Variants in ZNF365 observed in about 807,000 individuals in gnomAD.
ZNF365 encodes zinc finger protein 365.
Under a neutral mutation model 35.0 loss-of-function variants are expected in ZNF365, and 22 were observed. The ratio of observed to expected loss-of-function variants is 0.63; its 90% confidence interval spans 0.45 to 0.90. The LOEUF is 0.90. ZNF365 is among the 40% of genes least tolerant of loss of function. The probability of loss-of-function intolerance (pLI) is 0.00; values close to 1 mark genes in which losing one functional copy is unlikely to be tolerated. For missense variants in ZNF365, 448 were observed against 500.3 expected (o/e 0.90, Z 1.00); for synonymous variants, 188 against 196.2 (o/e 0.96, Z 0.35).
chr10:62,400,137 A>C lies in ZNF365; in HGVS notation c.*348A>C. The C allele has an allele frequency of 3.9e-6, 4 of 1,037,086 alleles. No individual in the cohort carries two copies. The highest frequency in any genetic ancestry group is 4.9e-5 in the Admixed American group (1 of 20,326). The allele number at this position is 1,037,086 out of a possible 1,614,324, so 64.2% of individuals were successfully genotyped here. On this transcript the variant is annotated 3_prime_UTR_variant, in exon 5 of 5. Transcript: ENST00000395254. The stretch of plus-strand genomic sequence containing the variant: ...ATTTTCAGGACCAAGGCCACACAAA[A>C]TGTCAGGCCTAGGGAGAAAATTCAT...
chr10:62,409,353 C>A (rs1422466498), intron 3 of ZNF365, among the ~76,000 whole-genome samples: 2 of 152,150 alleles, frequency 1.3e-5, no homozygotes, highest in Non-Finnish European at 2.9e-5. Context: ...ACCTCCAGAT[C>A]TGGTTCTCTG....
At chr10:62,418,898 G>GTATAGTTT (rs3081227) in intron 3 of ZNF365, among the ~76,000 whole-genome samples, 1 of 151,260 alleles carries the variant, frequency 6.6e-6, no homozygotes, top group East Asian at 1.9e-4. Flanking sequence ...TGCCAATGTG[G>GTATAGTTT]TGTGATGACT....
chr10:62,432,600 C>T (rs1180265005), intron 3 of ZNF365, among the ~76,000 whole-genome samples: 1 of 152,114 alleles, frequency 6.6e-6, no homozygotes, highest in Non-Finnish European at 1.5e-5. Flanking sequence ...CAATTAATAC[C>T]TTGAAATCTT....
chr10:62,461,046 G>T (rs1367008712), intron 4 of ZNF365, among the ~76,000 whole-genome samples: 1 of 152,158 alleles, frequency 6.6e-6, no homozygotes, highest in Non-Finnish European at 1.5e-5. Context: ...ACTTCCCTGT[G>T]CCTCTACATT....
Position 62,399,866 on chromosome 10 carries a change from T to C in ZNF365, c.*77T>C. The C allele has an allele frequency of 6.7e-7, 1 of 1,496,014 alleles. No individual in the cohort carries two copies. Among genetic ancestry groups the C allele is most frequent in the Non-Finnish European group, 8.9e-7 (1 of 1,121,320 alleles). The allele number at this position is 1,496,014 out of a possible 1,614,324, so 92.7% of individuals were successfully genotyped here. On this transcript the variant is annotated 3_prime_UTR_variant, in exon 5 of 5. Transcript: ENST00000395254. ...CCAGGAGCCAACAGTAATGTCTTTC[T>C]GGAAACATTCCATAGTAAGACACAT...
intron 4 of ZNF365, among the ~76,000 whole-genome samples, chr10:62,460,546 T>C (rs1840830864): frequency 6.6e-6 from 1 of 152,168 alleles, no homozygotes; most frequent in Non-Finnish European, 1.5e-5. Context: ...TATTCATCTA[T>C]TTTTGGGCCA....
intron 4 of ZNF365, among the ~76,000 whole-genome samples, chr10:62,461,920 T>C (rs987391922): frequency 2.6e-5 from 4 of 152,232 alleles, no homozygotes; most frequent in African/African-American, 9.6e-5. Flanking sequence ...TTATATTAAA[T>C]CAGAATGTTG....
chr10:62,407,970 C>T (rs1405750466), intron 3 of ZNF365, among the ~76,000 whole-genome samples: 2 of 151,810 alleles, frequency 1.3e-5, no homozygotes, highest in African/African-American at 4.9e-5. Context: ...GTTGTTTAAG[C>T]CACTAAACTA....
intron 3 of ZNF365, among the ~76,000 whole-genome samples, chr10:62,392,191 T>C (rs1839642467): frequency 6.6e-6 from 1 of 152,214 alleles, no homozygotes; most frequent in Non-Finnish European, 1.5e-5. Context: ...TCCCACTCTG[T>C]GGGTTGTCTG....
At chr10:62,382,350 G>A (rs779050800) in intron 2 of ZNF365, among the ~76,000 whole-genome samples, 2 of 152,164 alleles carry the variant, frequency 1.3e-5, no homozygotes, top group Non-Finnish European at 2.9e-5. Flanking sequence ...GCTCCACATT[G>A]TTGGTTCGTG....
intron 3 of ZNF365, among the ~76,000 whole-genome samples, chr10:62,391,815 A>G (rs1022121842): frequency 1.5e-4 from 23 of 152,224 alleles, no homozygotes; most frequent in African/African-American, 5.5e-4. Context: ...GTTCTTTAAG[A>G]AATCTCCACA....
chr10:62,400,333 A>C lies in ZNF365; in HGVS notation c.*544A>C. ...GAGTATTCTGGTTAATCAAGATTTC[A>C]ATTTCTGGGTTGCTCAAGGGACTCG... On this transcript the variant is annotated 3_prime_UTR_variant, in exon 5 of 5. Transcript: ENST00000395254. The C allele has an allele frequency of 1.0e-6, 1 of 986,464 alleles. No individual in the cohort carries two copies. The highest frequency in any genetic ancestry group is 1.2e-6 in the Non-Finnish European group (1 of 830,306). 61.1% of individuals were successfully genotyped at this position (986,464 alleles called of 1,614,324 possible). A position where few individuals can be genotyped will look rare whatever the true frequency, so the allele number is the denominator to read the frequency against.
intron 3 of ZNF365, among the ~76,000 whole-genome samples, chr10:62,450,416 C>G (rs957238566): frequency 2.0e-5 from 3 of 152,166 alleles, no homozygotes; most frequent in Non-Finnish European, 4.4e-5. Flanking sequence ...ACCGTGTGAA[C>G]TGAACTGTCA....
chr10:62,442,750 T>C (rs148469585), intron 3 of ZNF365, among the ~76,000 whole-genome samples: 1,646 of 152,314 alleles, frequency 0.011, 33 homozygotes, highest in African/African-American at 0.037. Context: ...TATTCAGATG[T>C]CTTCTCAGGG....
chr10:62,449,418 T>C (rs1412445969), intron 3 of ZNF365, among the ~76,000 whole-genome samples: 1 of 152,232 alleles, frequency 6.6e-6, no homozygotes, highest in East Asian at 1.9e-4. Context: ...GTTCACCTTA[T>C]ATTAAGCTAT....
intron 3 of ZNF365, among the ~76,000 whole-genome samples, chr10:62,412,285 C>T (rs1409248731): frequency 6.6e-6 from 1 of 151,930 alleles, no homozygotes; most frequent in Non-Finnish European, 1.5e-5. Context: ...AGGAACATAC[C>T]TCAAAATAAC....
At chr10:62,428,207 C>A (rs1040337895) in intron 3 of ZNF365, among the ~76,000 whole-genome samples, 1 of 152,136 alleles carries the variant, frequency 6.6e-6, no homozygotes, top group Non-Finnish European at 1.5e-5. Flanking sequence ...TAGATGTGTA[C>A]TCAAAACACA....
intron 3 of ZNF365, among the ~76,000 whole-genome samples, chr10:62,445,244 A>G (rs1840567278): frequency 6.6e-6 from 1 of 151,258 alleles, no homozygotes; most frequent in Non-Finnish European, 1.5e-5. Context: ...ATACATGTGC[A>G]TGTGTCTTTA....
intron 3 of ZNF365, 31 bp downstream of exon 3, chr10:62,388,607 A>G (rs1457109165): frequency 6.2e-7 from 1 of 1,611,532 alleles, no homozygotes; most frequent in Non-Finnish European, 8.5e-7. Context: ...CACCGAGTGT[A>G]AGATCCCTGT....
Sources: gnomAD v4.1 joint callset for allele counts (sites outside exome capture counted in the v4.1 genomes callset) on GRCh38, gnomAD v4.1.1 for gene constraint, MANE v1.5 for transcripts, NCBI Gene and HGNC (gene_info 2026-07-23, HGNC 2026-07-21) for gene names.